FARSB: variants seen among roughly 807,000 people sequenced by gnomAD.
FARSB encodes the protein phenylalanine--tRNA ligase beta subunit.
FARSB carries 40 observed loss-of-function variants against 69.6 expected under a neutral mutation model. The observed-to-expected ratio is 0.57, with a 90% confidence interval of 0.45 to 0.75. The LOEUF (loss-of-function observed/expected upper bound fraction) is 0.75. Ranked by LOEUF, FARSB falls within the 30% of genes least tolerant of loss-of-function variation. The pLI, the probability that FARSB is intolerant of heterozygous loss-of-function variation, is 0.00. For synonymous variants in FARSB, 235 were observed against 247.2 expected (o/e 0.95, Z 0.46); for missense variants, 632 against 722.9 (o/e 0.87, Z 1.44).
At chr2:222,607,853 C>T (rs1234307110) in intron 15 of FARSB, among the ~76,000 whole-genome samples, 1 of 151,658 alleles carries the variant, frequency 6.6e-6, no homozygotes, top group East Asian at 1.9e-4. Context: ...AGCCAAGAAA[C>T]AAATATGAGG....
At chr2:222,633,379 C>T (rs1342722306) in intron 6 of FARSB, 72 bp from the exon 7 acceptor site, 1 of 717,828 alleles carries the variant, frequency 1.4e-6, no homozygotes, top group Non-Finnish European at 2.3e-6. Context: ...ACATACTGAC[C>T]TAATATTAAA....
rs1689845195 is a variant in FARSB, at chr2:222,576,563, A to G, written c.1619-4541T>C. On this transcript the variant is annotated intron_variant, in intron 16 of 16. Coordinates refer to ENST00000281828, the MANE Select transcript of FARSB (RefSeq NM_005687.5). ...ACTGGGCCAACTGAATGTACTGTAAATATGTTCTAAGTGAGTAATTATGTA... is the reference window on the plus strand; with the variant it reads ...ACTGGGCCAACTGAATGTACTGTAAGTATGTTCTAAGTGAGTAATTATGTA... 2.6e-5 allele frequency among the ~76,000 whole-genome samples: 4 copies of G among 152,152 alleles called. No individual in the cohort carries two copies. In the South Asian group the frequency reaches 8.3e-4, roughly 32 times the overall value.
At chr2:222,586,250 C>T (rs889024633) in intron 16 of FARSB, among the ~76,000 whole-genome samples, 6 of 152,140 alleles carry the variant, frequency 3.9e-5, no homozygotes, top group African/African-American at 1.2e-4. Context: ...ATTTCATATC[C>T]AGCCAAACTA....
chr2:222,627,446 C>T (rs6735039), intron 10 of FARSB, among the ~76,000 whole-genome samples: 8,193 of 152,258 alleles, frequency 0.054, 451 homozygotes, highest in African/African-American at 0.14. Flanking sequence ...CCCAGATCAT[C>T]CAGTTGCTAG....
chr2:222,577,416 T>A (rs767214843), intron 16 of FARSB, among the ~76,000 whole-genome samples: 6 of 152,178 alleles, frequency 3.9e-5, no homozygotes, highest in Non-Finnish European at 8.8e-5. Context: ...CACACAACTT[T>A]ACAGTGCTAA....
intron 1 of FARSB, among the ~76,000 whole-genome samples, chr2:222,649,259 A>G (rs1691962173): frequency 8.2e-6 from 1 of 122,002 alleles, no homozygotes; most frequent in Non-Finnish European, 1.8e-5. Context: ...AAAAAAAAAA[A>G]GCTGGGCCAA....
At chr2:222,635,625 C>T (rs1218975213) in intron 5 of FARSB, among the ~76,000 whole-genome samples, 1 of 152,154 alleles carries the variant, frequency 6.6e-6, no homozygotes, top group Non-Finnish European at 1.5e-5. Context: ...TAACATTGGT[C>T]CCTTAATCCT....
intron 16 of FARSB, among the ~76,000 whole-genome samples, chr2:222,591,084 T>C (rs1430287071): frequency 6.6e-6 from 1 of 151,924 alleles, no homozygotes; most frequent in African/African-American, 2.4e-5. Flanking sequence ...TGTGTACCTA[T>C]AGTCCTGGCT....
chr2:222,620,863 T>G (rs986405919), intron 13 of FARSB, among the ~76,000 whole-genome samples: 1 of 152,194 alleles, frequency 6.6e-6, no homozygotes, highest in African/African-American at 2.4e-5. Flanking sequence ...ACTGAAATGG[T>G]AAAAAGAATT....
chr2:222,620,216 C>T (rs2106215682), intron 13 of FARSB, among the ~76,000 whole-genome samples: 1 of 152,298 alleles, frequency 6.6e-6, no homozygotes, highest in African/African-American at 2.4e-5. Context: ...CTTAAATGAC[C>T]TCTCTTCCAT....
chr2:222,585,190 G>T (rs1559190630), intron 16 of FARSB, among the ~76,000 whole-genome samples: 1 of 152,204 alleles, frequency 6.6e-6, no homozygotes. Context: ...TACAATATTT[G>T]CTGTTCTGCA....
At chr2:222,648,285 A>G (rs1211961714) in intron 2 of FARSB, among the ~76,000 whole-genome samples, 8 of 152,220 alleles carry the variant, frequency 5.3e-5, no homozygotes, top group African/African-American at 1.2e-4. Flanking sequence ...TTACAAGACC[A>G]ATGAATATAG....
chr2:222,590,891 A>G (rs1318443447), intron 16 of FARSB, among the ~76,000 whole-genome samples: 1 of 152,180 alleles, frequency 6.6e-6, no homozygotes, highest in East Asian at 1.9e-4. Flanking sequence ...TTAATTTTTT[A>G]TAATAACAAA....
chr2:222,628,988 C>A, intron 9 of FARSB, 100 bp from the exon 10 acceptor site: 1 of 798,144 alleles, frequency 1.3e-6, no homozygotes, highest in South Asian at 1.5e-5. Flanking sequence ...GCTACAACTA[C>A]AGCCTCAACA....
rs779425861 is a variant in FARSB at position 222,619,677 on chromosome 2, G to A, written c.1312C>T (p.His438Tyr). 38 of 1,605,006 alleles carry A rather than the reference G, an allele frequency of 2.4e-5. No individual in the cohort carries two copies. Among genetic ancestry groups the A allele is most frequent in the Non-Finnish European group, 3.2e-5 (37 of 1,172,440 alleles). Residue 438 changes from histidine (H) to tyrosine (Y), a missense_variant, in exon 14 of 17, where the codon CAC (histidine) becomes TAC (tyrosine). Transcript: ENST00000281828. ...GVDISATKAV[H>Y]ISNPKTAEFQ... ...TCAGCTGTTTTAGGATTACTTATGT[G>A]GACTGCCTTTGTTGCAGAGATATCC...
At chr2:222,591,422 G>T (rs897814258) in intron 16 of FARSB, among the ~76,000 whole-genome samples, 1 of 152,166 alleles carries the variant, frequency 6.6e-6, no homozygotes, top group Non-Finnish European at 1.5e-5. Context: ...ATTGATTTAT[G>T]AATAGCTAGA....
chr2:222,627,971 T>A (rs1691319657), intron 10 of FARSB, among the ~76,000 whole-genome samples: 1 of 152,242 alleles, frequency 6.6e-6, no homozygotes, highest in African/African-American at 2.4e-5. Context: ...AGAACAGTCA[T>A]CTTTATGTCA....
At chr2:222,572,802 A>C (rs1355332454) in intron 16 of FARSB, among the ~76,000 whole-genome samples, 1 of 152,208 alleles carries the variant, frequency 6.6e-6, no homozygotes, top group Admixed American at 6.5e-5. Context: ...TACAGAGCTA[A>C]AAATGAACAT....
At chr2:222,654,223 C>T (rs1360283924) in intron 1 of FARSB, among the ~76,000 whole-genome samples, 1 of 152,084 alleles carries the variant, frequency 6.6e-6, no homozygotes, top group African/African-American at 2.4e-5. Context: ...TGACATGCTC[C>T]AAAACCCAAA....
Sources: gnomAD v4.1 joint callset for allele counts (sites outside exome capture counted in the v4.1 genomes callset) on GRCh38, gnomAD v4.1.1 for gene constraint, MANE v1.5 for transcripts, NCBI Gene and HGNC (gene_info 2026-07-23, HGNC 2026-07-21) for gene names.